Variants in PIK3C2G observed in about 807,000 individuals in gnomAD.
PIK3C2G encodes phosphatidylinositol 3-kinase C2 domain-containing subunit gamma.
A neutral mutation model predicts 181.1 loss-of-function variants in PIK3C2G; 168 were observed. That is an observed-to-expected ratio of 0.93 (90% CI 0.82 to 1.05). The LOEUF (loss-of-function observed/expected upper bound fraction) is 1.05. PIK3C2G is among the 50% of genes least tolerant of loss of function. PIK3C2G has a pLI of 0.00. For missense variants in PIK3C2G, 1,869 were observed against 1,732.8 expected, an observed-to-expected ratio of 1.08 and a Z score of -1.40; for synonymous variants, 573 against 592.2, an observed-to-expected ratio of 0.97 and a Z score of 0.47.
intron 13 of PIK3C2G, among the ~76,000 whole-genome samples, chr12:18,377,224 T>A (rs1420582756): frequency 6.6e-6 from 1 of 152,152 alleles, no homozygotes; most frequent in Admixed American, 6.5e-5. Context: ...AAACACCTGA[T>A]CTTGTTGTTT....
intron 24 of PIK3C2G, among the ~76,000 whole-genome samples, chr12:18,509,294 C>T (rs10841031): frequency 0.16 from 24,324 of 152,146 alleles, 2,425 homozygotes; most frequent in South Asian, 0.37. Flanking sequence ...GCAATTCGCC[C>T]GCCTCGGCCT....
At chr12:18,487,520 A>G (rs1592384265) in intron 18 of PIK3C2G, among the ~76,000 whole-genome samples, 1 of 152,124 alleles carries the variant, frequency 6.6e-6, no homozygotes, top group African/African-American at 2.4e-5. Flanking sequence ...AGACCAGTTA[A>G]GATTAAAAGA....
chr12:18,488,259 A>G (rs1414966504), intron 18 of PIK3C2G, among the ~76,000 whole-genome samples, 190 bp from the exon 19 acceptor site: 1 of 152,124 alleles, frequency 6.6e-6, no homozygotes, highest in African/African-American at 2.4e-5. Flanking sequence ...TCACTCTTGG[A>G]ATCTCATTAA....
the PIK3C2G span, among the ~76,000 whole-genome samples, chr12:18,656,087 C>T: frequency 1.3e-5 from 2 of 152,112 alleles, no homozygotes; most frequent in South Asian, 2.1e-4. Flanking sequence ...AGAGTGACAC[C>T]AGCAAAAATG....
chr12:18,255,248 T>TAAAC (rs879496888), intron 1 of PIK3C2G, among the ~76,000 whole-genome samples: 107 of 135,756 alleles, frequency 7.9e-4, no homozygotes, highest in Middle Eastern at 3.6e-3. Flanking sequence ...AATAAATAAA[T>TAAAC]AAATAAACAA....
chr12:18,709,389 G>T, the PIK3C2G span, among the ~76,000 whole-genome samples: 1 of 151,958 alleles, frequency 6.6e-6, no homozygotes, highest in African/African-American at 2.4e-5. Flanking sequence ...CTGTTTTTCT[G>T]CACAGGACCA....
chr12:18,540,241 A>C (rs1048546482), intron 25 of PIK3C2G, among the ~76,000 whole-genome samples: 2 of 151,866 alleles, frequency 1.3e-5, no homozygotes, highest in African/African-American at 2.4e-5. Flanking sequence ...TACATAAAAG[A>C]CCGAGGTATC....
the PIK3C2G span, among the ~76,000 whole-genome samples, chr12:18,663,369 T>C: frequency 6.6e-6 from 1 of 152,128 alleles, no homozygotes; most frequent in Non-Finnish European, 1.5e-5. Context: ...TTAGCACTTT[T>C]TCCTAAACAA....
intron 16 of PIK3C2G, among the ~76,000 whole-genome samples, chr12:18,401,374 T>C (rs1944241482): frequency 6.6e-6 from 1 of 152,146 alleles, no homozygotes; most frequent in Admixed American, 6.6e-5. Context: ...TGCTAGTGTT[T>C]AAAGATCCTT....
intron 31 of PIK3C2G, among the ~76,000 whole-genome samples, chr12:18,614,562 C>T (rs1012975680): frequency 5.3e-5 from 8 of 152,056 alleles, no homozygotes; most frequent in Non-Finnish European, 1.2e-4. Flanking sequence ...GCTTCCTTGG[C>T]TCTTGTAAAT....
chr12:18,423,085 G>A (rs1945580651), intron 17 of PIK3C2G, among the ~76,000 whole-genome samples: 1 of 151,428 alleles, frequency 6.6e-6, no homozygotes, highest in African/African-American at 2.4e-5. Flanking sequence ...ATTTTTTCCT[G>A]CTGTCTGTAC....
chr12:18,616,369 G>A (rs1193026131), intron 31 of PIK3C2G, among the ~76,000 whole-genome samples: 2 of 152,096 alleles, frequency 1.3e-5, no homozygotes, highest in East Asian at 1.9e-4. Flanking sequence ...TGTACATCAT[G>A]TGAAAAATAT....
chr12:18,533,121 T>C (rs1288555356), intron 24 of PIK3C2G, among the ~76,000 whole-genome samples: 2 of 152,110 alleles, frequency 1.3e-5, no homozygotes, highest in Non-Finnish European at 2.9e-5. Flanking sequence ...GAGTTCTTAA[T>C]ATACTCAGTG....
chr12:18,688,003 T>C, the PIK3C2G span: 2 of 1,536,666 alleles, frequency 1.3e-6, no homozygotes, highest in Non-Finnish European at 1.8e-6. Flanking sequence ...ATAATAAATA[T>C]GTACAAAAAC....
the PIK3C2G span, among the ~76,000 whole-genome samples, chr12:18,725,761 A>G: frequency 6.6e-6 from 1 of 151,986 alleles, no homozygotes; most frequent in Non-Finnish European, 1.5e-5. Context: ...TATGGTACCT[A>G]TGTTTCTCGT....
rs765174802 is a variant in PIK3C2G at position 18,381,751 on chromosome 12, T to C, written c.1881-15T>C. 7.2e-7 allele frequency: 1 copy of C among 1,393,360 alleles called. No homozygotes were observed. The highest frequency in any genetic ancestry group is 1.0e-6 in the Non-Finnish European group (1 of 978,756). The allele number at this position is 1,393,360 out of a possible 1,614,324, so 86.3% of individuals were successfully genotyped here. On this transcript the variant is annotated splice_polypyrimidine_tract_variant and intron_variant, in intron 13 of 32. Coordinates refer to ENST00000538779, the MANE Select transcript of PIK3C2G (RefSeq NM_001288772.2). ...AGTGACTCCTGTCTGTGTGTGTGTG[T>C]GTTGTCTTTTGCAGAAAATCCATTC...
intron 29 of PIK3C2G, among the ~76,000 whole-genome samples, chr12:18,582,927 T>C (rs1178314299): frequency 6.6e-6 from 1 of 152,040 alleles, no homozygotes; most frequent in African/African-American, 2.4e-5. Flanking sequence ...CAAGCCTCTC[T>C]GGGATGAAGC....
intron 5 of PIK3C2G, among the ~76,000 whole-genome samples, chr12:18,305,405 G>A (rs1950378448): frequency 6.6e-6 from 1 of 152,122 alleles, no homozygotes; most frequent in African/African-American, 2.4e-5. Flanking sequence ...TCTCGAAGCT[G>A]TTGCAAGAGT....
At chr12:18,695,110 G>A in the PIK3C2G span, 1 of 1,590,468 alleles carries the variant, frequency 6.3e-7, no homozygotes, top group Non-Finnish European at 8.6e-7. Flanking sequence ...GACATTGTCA[G>A]GTAATAGAGA....
Sources: allele counts gnomAD v4.1 joint callset (sites outside exome capture counted in the v4.1 genomes callset), GRCh38; gene constraint gnomAD v4.1.1; transcripts MANE v1.5; gene names NCBI Gene and HGNC (gene_info 2026-07-23, HGNC 2026-07-21).